ATG5: variants seen among roughly 807,000 people sequenced by gnomAD.
ATG5 encodes the protein autophagy related 5.
Under a neutral mutation model 36.5 loss-of-function variants are expected in ATG5, and 14 were observed. That is an observed-to-expected ratio of 0.38 (90% confidence interval 0.25 to 0.60). The LOEUF is 0.60. ATG5 is among the 20% of genes least tolerant of loss of function. The pLI is 0.60. For missense variants in ATG5, 195 were observed against 326.7 expected (o/e 0.60, Z 3.11); for synonymous variants, 95 against 101.5 (o/e 0.94, Z 0.38).
chr6:106,298,623 T>C (rs1384936123), intron 3 of ATG5, among the ~76,000 whole-genome samples: 2 of 152,178 alleles, frequency 1.3e-5, no homozygotes, highest in African/African-American at 4.8e-5. Flanking sequence ...CATCCTGTTA[T>C]GATTTTTTAA....
Position 106,207,543 on chromosome 6 carries a change from A to AAAAAG in ATG5, c.574-5455_574-5454insCTTTT, listed in dbSNP as rs1554213499. 2.5e-3 allele frequency among the ~76,000 whole-genome samples: 386 copies of AAAAAG among 151,978 alleles called. 1 individual carries two copies. The highest frequency in any genetic ancestry group is 8.9e-3 in the African/African-American group (370 of 41,398). The stretch of plus-strand genomic sequence containing the variant: ...CAGAGAGACCTCATCTCTTAAAAAA[A>AAAAAG]AAAGAAAGAAAGAAAGAAATGAAAT... On this transcript the variant is annotated intron_variant, in intron 6 of 7. Coordinates refer to ENST00000369076, the MANE Select transcript of ATG5 (RefSeq NM_004849.4).
intron 6 of ATG5, among the ~76,000 whole-genome samples, chr6:106,203,888 T>C (rs1776529816): frequency 6.6e-6 from 1 of 152,158 alleles, no homozygotes; most frequent in South Asian, 2.1e-4. Context: ...TACCTCAACA[T>C]ATTTGACACA....
intron 6 of ATG5, among the ~76,000 whole-genome samples, chr6:106,233,051 G>A (rs1777752107): frequency 6.6e-6 from 1 of 152,158 alleles, no homozygotes; most frequent in Admixed American, 6.6e-5. Flanking sequence ...GTATGTGGAT[G>A]ATTTTTACTT....
At chr6:106,200,235 C>A (rs1776365262) in intron 7 of ATG5, among the ~76,000 whole-genome samples, 1 of 152,172 alleles carries the variant, frequency 6.6e-6, no homozygotes, top group African/African-American at 2.4e-5. Context: ...TACCACCAAA[C>A]CCACTGTTCC....
chr6:106,186,711 T>C (rs374442938), intron 7 of ATG5, 35 bp from the exon 8 acceptor site: 7 of 1,605,388 alleles, frequency 4.4e-6, no homozygotes, highest in Non-Finnish European at 6.0e-6. Context: ...ACAATAAAAG[T>C]CAAAACAGTT....
intron 1 of ATG5, among the ~76,000 whole-genome samples, chr6:106,318,301 C>T (rs1192851487): frequency 6.6e-6 from 1 of 152,078 alleles, no homozygotes; most frequent in Non-Finnish European, 1.5e-5. Flanking sequence ...CCCTTCTCTC[C>T]CCTCTAGGCT....
At chr6:106,298,128 C>T (rs1013469168) in intron 3 of ATG5, among the ~76,000 whole-genome samples, 3 of 151,874 alleles carry the variant, frequency 2.0e-5, no homozygotes, top group Non-Finnish European at 4.4e-5. Flanking sequence ...CCACACCTGG[C>T]TAATGTTTGT....
chr6:106,302,887 A>C (rs1770276282), intron 3 of ATG5, among the ~76,000 whole-genome samples: 3 of 152,046 alleles, frequency 2.0e-5, no homozygotes, highest in Admixed American at 2.0e-4. Context: ...GTCTATACTA[A>C]AGCCTGGCTG....
At chr6:106,248,877 G>A (rs1463025210) in intron 5 of ATG5, among the ~76,000 whole-genome samples, 3 of 152,314 alleles carry the variant, frequency 2.0e-5, no homozygotes, top group African/African-American at 7.2e-5. Flanking sequence ...GACAGAGGTT[G>A]TGGTGAGCCG....
At chr6:106,268,063 C>A (rs1354288871) in intron 5 of ATG5, among the ~76,000 whole-genome samples, 5 of 151,954 alleles carry the variant, frequency 3.3e-5, no homozygotes, top group Non-Finnish European at 7.4e-5. Context: ...AGCTTCTGCA[C>A]AGCAAAAGAA....
At chr6:106,320,715 C>G (rs560089842) in intron 1 of ATG5, among the ~76,000 whole-genome samples, 1 of 151,672 alleles carries the variant, frequency 6.6e-6, no homozygotes, top group African/African-American at 2.4e-5. Flanking sequence ...CCTCTAATGT[C>G]AAATCTATAA....
At chr6:106,296,789 G>A (rs1439735440) in intron 3 of ATG5, among the ~76,000 whole-genome samples, 1 of 152,198 alleles carries the variant, frequency 6.6e-6, no homozygotes, top group Non-Finnish European at 1.5e-5. Context: ...CTGCACTCCA[G>A]CCTAGGCAAC....
intron 6 of ATG5, among the ~76,000 whole-genome samples, chr6:106,245,649 G>C (rs1055664886): frequency 3.3e-5 from 5 of 152,094 alleles, no homozygotes; most frequent in African/African-American, 1.2e-4. Context: ...CGGTTATGCA[G>C]AAATTCTATT....
chr6:106,237,776 C>G (rs1017220341), intron 6 of ATG5, among the ~76,000 whole-genome samples: 1 of 152,096 alleles, frequency 6.6e-6, no homozygotes, highest in Non-Finnish European at 1.5e-5. Context: ...CAAATAATCA[C>G]TGCTTATATA....
At chr6:106,299,640 T>C (rs1029765201) in intron 3 of ATG5, among the ~76,000 whole-genome samples, 1 of 152,244 alleles carries the variant, frequency 6.6e-6, no homozygotes, top group African/African-American at 2.4e-5. Flanking sequence ...ATTTCTTTGC[T>C]TTTTGTTTTT....
intron 6 of ATG5, among the ~76,000 whole-genome samples, chr6:106,227,511 G>A (rs117300325): frequency 1.8e-4 from 27 of 152,248 alleles, no homozygotes; most frequent in Non-Finnish European, 3.1e-4. Flanking sequence ...TGGAAAGATC[G>A]CTTGAGCCCA....
intron 5 of ATG5, among the ~76,000 whole-genome samples, chr6:106,275,991 T>TG (rs1188266173): frequency 6.6e-6 from 1 of 152,226 alleles, no homozygotes; most frequent in Admixed American, 6.5e-5. Flanking sequence ...AGCAGATGGC[T>TG]GGCCCATGAT....
intron 1 of ATG5, among the ~76,000 whole-genome samples, chr6:106,322,979 G>A (rs1396969527): frequency 2.0e-5 from 3 of 151,622 alleles, no homozygotes; most frequent in Non-Finnish European, 4.4e-5. Flanking sequence ...GAGTGCAGTG[G>A]CGCAATCTCG....
intron 6 of ATG5, among the ~76,000 whole-genome samples, chr6:106,215,758 A>G (rs996903448): frequency 1.4e-4 from 21 of 152,272 alleles, no homozygotes; most frequent in Non-Finnish European, 2.8e-4. Context: ...AAAAACAGAC[A>G]AACTGGACTT....
Sources: gnomAD v4.1 joint callset for allele counts (sites outside exome capture counted in the v4.1 genomes callset) on GRCh38, gnomAD v4.1.1 for gene constraint, MANE v1.5 for transcripts, NCBI Gene and HGNC (gene_info 2026-07-23, HGNC 2026-07-21) for gene names.